Variants in ABCA13 observed in about 807,000 individuals in gnomAD.
ABCA13 encodes ATP-binding cassette sub-family A member 13.
A neutral mutation model predicts 478.7 loss-of-function variants in ABCA13; 476 were observed. That is an observed-to-expected ratio of 0.99 (90% confidence interval 0.92 to 1.07). ABCA13 has a LOEUF of 1.07. ABCA13 is among the 50% of genes least tolerant of loss of function. The probability of loss-of-function intolerance (pLI) is 0.00; values close to 1 mark genes in which losing one functional copy is unlikely to be tolerated. For missense variants in ABCA13, 6,060 were observed against 5,910.6 expected (o/e 1.03, Z -0.83); for synonymous variants, 2,252 against 2,158.9 (o/e 1.04, Z -1.20).
intron 43 of ABCA13, among the ~76,000 whole-genome samples, chr7:48,462,347 T>C (rs560933032): frequency 2.0e-5 from 3 of 152,208 alleles, no homozygotes; most frequent in African/African-American, 7.2e-5. Context: ...TATGAAGTCT[T>C]ATTTGGAGCA....
At chr7:48,356,253 G>A (rs898045006) in intron 31 of ABCA13, among the ~76,000 whole-genome samples, 1 of 151,962 alleles carries the variant, frequency 6.6e-6, no homozygotes, top group Admixed American at 6.5e-5. Context: ...TAGCTTCCAT[G>A]ATGTGGTGAG....
chr7:48,645,241 T>C (rs1404898974), intron 61 of ABCA13, among the ~76,000 whole-genome samples, 176 bp from the exon 62 acceptor site: 1 of 152,086 alleles, frequency 6.6e-6, no homozygotes, highest in African/African-American at 2.4e-5. Context: ...GTTCTTAGAG[T>C]TGTGTCCTCA....
rs181082451 is a variant in ABCA13, at chr7:48,206,175, T to C, written c.287+7815T>C. ...AGTAAAATGTTTTGAGATTTATTTATGTGGTTGGTTGTATTAGTATGGTCA... is the reference window on the plus strand; with the variant it reads ...AGTAAAATGTTTTGAGATTTATTTACGTGGTTGGTTGTATTAGTATGGTCA... On this transcript the variant is annotated intron_variant, in intron 3 of 61. Transcript: ENST00000435803. Among the ~76,000 whole-genome samples, 196 of 152,390 alleles carry C rather than the reference T, an allele frequency of 1.3e-3. 2 individuals carry two copies. The highest frequency in any genetic ancestry group is 2.6e-4 in the Non-Finnish European group (18 of 68,042).
chr7:48,407,559 TAAC>T (rs1038443688), intron 39 of ABCA13, among the ~76,000 whole-genome samples: 3 of 151,718 alleles, frequency 2.0e-5, no homozygotes, highest in Non-Finnish European at 2.9e-5. Context: ...TAATAGAGTA[TAAC>T]AACTTTTTTT....
At chr7:48,314,849 G>A (rs1802322317) in intron 26 of ABCA13, among the ~76,000 whole-genome samples, 1 of 152,132 alleles carries the variant, frequency 6.6e-6, no homozygotes, top group African/African-American at 2.4e-5. Flanking sequence ...AGGTACAAAC[G>A]AATATGTCAC....
intron 38 of ABCA13, among the ~76,000 whole-genome samples, chr7:48,399,590 G>A (rs113870747): frequency 3.1e-4 from 47 of 152,320 alleles, no homozygotes; most frequent in African/African-American, 1.1e-3. Flanking sequence ...ATGTAACTTG[G>A]TTGTGAGTAA....
At chr7:48,459,076 C>T (rs1302321145) in intron 43 of ABCA13, among the ~76,000 whole-genome samples, 1 of 152,294 alleles carries the variant, frequency 6.6e-6, no homozygotes, top group South Asian at 2.1e-4. Flanking sequence ...AATTCTCCCT[C>T]CCCACTAAGA....
At chr7:48,568,027 A>G (rs1429144485) in intron 55 of ABCA13, among the ~76,000 whole-genome samples, 2 of 152,150 alleles carry the variant, frequency 1.3e-5, no homozygotes, top group Non-Finnish European at 2.9e-5. Flanking sequence ...TTGGTTAACT[A>G]AGACATAATT....
chr7:48,188,564 C>CT (rs199553458), intron 1 of ABCA13, among the ~76,000 whole-genome samples: 305 of 150,678 alleles, frequency 2.0e-3, no homozygotes, highest in African/African-American at 6.6e-3. Flanking sequence ...ACTTTTTTTT[C>CT]TTTTTTTTTA....
intron 42 of ABCA13, among the ~76,000 whole-genome samples, chr7:48,437,068 C>G (rs900148620): frequency 6.6e-6 from 1 of 151,804 alleles, no homozygotes; most frequent in African/African-American, 2.4e-5. Flanking sequence ...TTCTCTGTGT[C>G]TTTGTTGATA....
intron 27 of ABCA13, among the ~76,000 whole-genome samples, chr7:48,326,152 G>A (rs1226620358): frequency 2.0e-5 from 3 of 152,168 alleles, no homozygotes; most frequent in Non-Finnish European, 4.4e-5. Flanking sequence ...TAGATGTGGG[G>A]GAATCCAGGA....
rs780022014 is a variant in ABCA13, at chr7:48,389,197, CG to C, written c.11633del (p.Gly3878ValfsTer11). ...DQITALLGTN[G>X]AGKTTIISML... ...AAATCACCGCCCTGCTGGGGACAAA[CG>C]GTGCCGGGAAAACCACTATCATGTG... On this transcript the variant is annotated frameshift_variant, in exon 37 of 62. Coordinates refer to ENST00000435803, the MANE Select transcript of ABCA13 (RefSeq NM_152701.5). LOFTEE classifies it high-confidence loss of function. The C allele has an allele frequency of 6.2e-7, 1 of 1,613,624 alleles. No individual in the cohort carries two copies.
intron 40 of ABCA13, among the ~76,000 whole-genome samples, chr7:48,411,290 C>CATT (rs1246006149): frequency 1.3e-5 from 1 of 78,710 alleles, no homozygotes; most frequent in Admixed American, 1.4e-4. Flanking sequence ...CTCCTTCCTT[C>CATT]CTTCTTTTCT....
At chr7:48,637,114 C>A (rs994807173) in intron 59 of ABCA13, among the ~76,000 whole-genome samples, 2 of 151,954 alleles carry the variant, frequency 1.3e-5, no homozygotes, top group Non-Finnish European at 2.9e-5. Flanking sequence ...AAAACTGCAG[C>A]AAAACAGAAT....
In ABCA13 at chr7:48,185,536, T is replaced by C. The variant is rs190553406; in HGVS notation, c.70-7423T>C. Among the ~76,000 whole-genome samples the C allele has an allele frequency of 1.3e-3, 196 of 152,298 alleles. 1 individual carries two copies. Among genetic ancestry groups the C allele is most frequent in the African/African-American group, 4.5e-3 (188 of 41,578 alleles). ...CAGATCAATCTGGGTAGGATTAACA[T>C]CTTTATGGTACTGAGTTTTTTAATG... On this transcript the variant is annotated intron_variant, in intron 1 of 61. Coordinates refer to ENST00000435803, the MANE Select transcript of ABCA13 (RefSeq NM_152701.5).
intron 41 of ABCA13, among the ~76,000 whole-genome samples, chr7:48,427,454 G>A (rs1359302440): frequency 6.6e-6 from 1 of 152,152 alleles, no homozygotes; most frequent in Non-Finnish European, 1.5e-5. Context: ...AAGTTGAATT[G>A]GATACACTGT....
chr7:48,218,198 A>C (rs1466403490), intron 3 of ABCA13, among the ~76,000 whole-genome samples: 1 of 152,216 alleles, frequency 6.6e-6, no homozygotes, highest in Non-Finnish European at 1.5e-5. Flanking sequence ...GAATTACATC[A>C]GTTTCTATAA....
rs189575571 is a variant in ABCA13 at position 48,496,801 on chromosome 7, A to G, written c.13291+7457A>G. On this transcript the variant is annotated intron_variant, in intron 48 of 61. Transcript: ENST00000435803. The stretch of plus-strand genomic sequence containing the variant: ...CATGGTTTCAAATTAGAAATCCATT[A>G]CTATTCTAGTTGGTATTTTCTTCCT... 8.7e-4 allele frequency among the ~76,000 whole-genome samples: 133 copies of G among 152,224 alleles called. 1 individual carries two copies. Among genetic ancestry groups the G allele is most frequent in the Non-Finnish European group, 1.6e-4 (11 of 67,966 alleles).
At chr7:48,592,050 T>C (rs997563023) in intron 57 of ABCA13, among the ~76,000 whole-genome samples, 1 of 151,936 alleles carries the variant, frequency 6.6e-6, no homozygotes. Context: ...ATTTGAAGTT[T>C]TTAGCTTTTC....
Sources: allele counts gnomAD v4.1 joint callset (sites outside exome capture counted in the v4.1 genomes callset), GRCh38; gene constraint gnomAD v4.1.1; transcripts MANE v1.5; gene names NCBI Gene and HGNC (gene_info 2026-07-23, HGNC 2026-07-21).